CNTNAP2: variants seen among roughly 807,000 people sequenced by gnomAD.
The protein encoded by CNTNAP2 is contactin-associated protein-like 2.
Under a neutral mutation model 155.2 loss-of-function variants are expected in CNTNAP2, and 98 were observed. That is an observed-to-expected ratio of 0.63 (90% confidence interval 0.54 to 0.75). CNTNAP2 has a LOEUF of 0.75. CNTNAP2 is among the 30% of genes least tolerant of loss of function. The probability of loss-of-function intolerance (pLI) is 0.00; values close to 1 mark genes in which losing one functional copy is unlikely to be tolerated. For synonymous variants in CNTNAP2, 651 were observed against 631.2 expected (o/e 1.03, Z -0.47); for missense variants, 1,727 against 1,688.1 (o/e 1.02, Z -0.40).
chr7:147,058,706 A>C (rs1219648613), intron 4 of CNTNAP2, among the ~76,000 whole-genome samples: 1 of 152,134 alleles, frequency 6.6e-6, no homozygotes, highest in Non-Finnish European at 1.5e-5. Flanking sequence ...TCCCGGGTTC[A>C]AGTGATTCTC....
intron 1 of CNTNAP2, among the ~76,000 whole-genome samples, chr7:146,682,239 AT>A (rs1800517758): frequency 6.6e-6 from 1 of 151,806 alleles, no homozygotes; most frequent in South Asian, 2.1e-4. Context: ...ATGTATATGT[AT>A]ATATATATAT....
At chr7:148,146,726 A>C (rs1443656069) in intron 16 of CNTNAP2, among the ~76,000 whole-genome samples, 1 of 152,112 alleles carries the variant, frequency 6.6e-6, no homozygotes, top group Non-Finnish European at 1.5e-5. Context: ...AATGTAGGTC[A>C]CCCTCATTAC....
intron 8 of CNTNAP2, among the ~76,000 whole-genome samples, chr7:147,265,032 T>G (rs1193066256): frequency 6.6e-6 from 1 of 151,990 alleles, no homozygotes; most frequent in Non-Finnish European, 1.5e-5. Flanking sequence ...CTCCATCTCT[T>G]AGGCACCTGA....
intron 13 of CNTNAP2, among the ~76,000 whole-genome samples, chr7:147,848,295 C>T (rs1039049663): frequency 2.7e-5 from 4 of 148,742 alleles, no homozygotes; most frequent in African/African-American, 7.4e-5. Flanking sequence ...GATATAGTCT[C>T]GTGGTGCGCC....
chr7:147,892,959 C>T (rs542890047), intron 13 of CNTNAP2, among the ~76,000 whole-genome samples: 408 of 152,266 alleles, frequency 2.7e-3, no homozygotes, highest in Non-Finnish European at 4.8e-3. Context: ...AGATAAAATG[C>T]TCACCTTTAA....
At chr7:146,525,550 A>C (rs895285058) in intron 1 of CNTNAP2, among the ~76,000 whole-genome samples, 2 of 146,460 alleles carry the variant, frequency 1.4e-5, no homozygotes, top group Non-Finnish European at 2.9e-5. Flanking sequence ...CTATCTATCT[A>C]TCTATCTATC....
At chr7:147,974,441 A>G (rs1801391327) in intron 14 of CNTNAP2, among the ~76,000 whole-genome samples, 1 of 152,074 alleles carries the variant, frequency 6.6e-6, no homozygotes, top group South Asian at 2.1e-4. Context: ...CCTGGCCAAC[A>G]TGGTAAAACC....
chr7:147,192,613 T>A (rs1023829477), intron 8 of CNTNAP2, among the ~76,000 whole-genome samples: 1 of 151,950 alleles, frequency 6.6e-6, no homozygotes, highest in Non-Finnish European at 1.5e-5. Flanking sequence ...ATATATTCTA[T>A]CTTAAAGAGA....
At chr7:147,771,741 G>A (rs1038792121) in intron 13 of CNTNAP2, among the ~76,000 whole-genome samples, 14 of 151,852 alleles carry the variant, frequency 9.2e-5, no homozygotes, top group African/African-American at 2.7e-4. Context: ...AGTCAGATGC[G>A]GTCTTAACCC....
chr7:146,141,148 G>A (rs1419631301), intron 1 of CNTNAP2, among the ~76,000 whole-genome samples: 1 of 152,166 alleles, frequency 6.6e-6, no homozygotes, highest in Non-Finnish European at 1.5e-5. Context: ...CACCATTTCA[G>A]AAAGTCACAG....
At chr7:146,429,535 G>T (rs1435942662) in intron 1 of CNTNAP2, among the ~76,000 whole-genome samples, 1 of 151,962 alleles carries the variant, frequency 6.6e-6, no homozygotes, top group Non-Finnish European at 1.5e-5. Flanking sequence ...GTTTCCTGTT[G>T]TTGGTGCATA....
chr7:146,544,254 C>T (rs1045254915), intron 1 of CNTNAP2, among the ~76,000 whole-genome samples: 3 of 151,852 alleles, frequency 2.0e-5, no homozygotes, highest in Non-Finnish European at 2.9e-5. Flanking sequence ...ACAAGTGACT[C>T]ACTGTGTTTC....
chr7:147,394,355 C>CTAA (rs1197724695), intron 9 of CNTNAP2, among the ~76,000 whole-genome samples: 1 of 151,924 alleles, frequency 6.6e-6, no homozygotes, highest in Non-Finnish European at 1.5e-5. Flanking sequence ...TGAGAACAGA[C>CTAA]TAATATAATG....
chr7:148,029,164 C>T (rs1166841725), intron 15 of CNTNAP2, among the ~76,000 whole-genome samples: 1 of 152,116 alleles, frequency 6.6e-6, no homozygotes, highest in African/African-American at 2.4e-5. Flanking sequence ...CTATCTACTG[C>T]ATTCGTAAAT....
chr7:146,923,591 G>A (rs114213606), intron 3 of CNTNAP2, among the ~76,000 whole-genome samples: 2,769 of 152,164 alleles, frequency 0.018, 74 homozygotes, highest in African/African-American at 0.062. Context: ...TCCCTTCAAG[G>A]GAGAAAGAGA....
chr7:148,152,490 C>G (rs1805314871), intron 17 of CNTNAP2, among the ~76,000 whole-genome samples: 1 of 152,094 alleles, frequency 6.6e-6, no homozygotes, highest in Non-Finnish European at 1.5e-5. Flanking sequence ...ATCTTAAGTT[C>G]TACAATAGTG....
At chr7:148,079,988 C>A (rs192111709) in intron 15 of CNTNAP2, among the ~76,000 whole-genome samples, 21 of 152,218 alleles carry the variant, frequency 1.4e-4, no homozygotes, top group African/African-American at 4.6e-4. Context: ...GCAGAAGTAA[C>A]CTGTATCACT....
chr7:147,587,393 C>G (rs1800651143), intron 12 of CNTNAP2, among the ~76,000 whole-genome samples: 1 of 152,184 alleles, frequency 6.6e-6, no homozygotes, highest in South Asian at 2.1e-4. Flanking sequence ...ACCTCATAAG[C>G]CAGACAACAC....
chr7:147,904,122 G>C (rs1799919837), intron 14 of CNTNAP2, among the ~76,000 whole-genome samples: 1 of 152,152 alleles, frequency 6.6e-6, no homozygotes, highest in South Asian at 2.1e-4. Context: ...TGCAATGTTT[G>C]CGTTGGGGAT....
Sources: allele counts gnomAD v4.1 joint callset (sites outside exome capture counted in the v4.1 genomes callset), GRCh38; gene constraint gnomAD v4.1.1; transcripts MANE v1.5; gene names NCBI Gene and HGNC (gene_info 2026-07-23, HGNC 2026-07-21).